FBXO31: variants seen among roughly 807,000 people sequenced by gnomAD.
The protein encoded by FBXO31 is F-box only protein 31.
In FBXO31, 24 loss-of-function variants were observed where a neutral mutation model predicts 54.4. The observed-to-expected ratio is 0.44, with a 90% confidence interval of 0.32 to 0.62. The LOEUF (loss-of-function observed/expected upper bound fraction) is 0.62. Among genes scored for constraint, FBXO31 ranks in the 20% least tolerant of loss-of-function variants. The pLI is 0.05. For missense variants in FBXO31, 665 were observed against 787.1 expected, an observed-to-expected ratio of 0.84 and a Z score of 1.86; for synonymous variants, 388 against 335.6, an observed-to-expected ratio of 1.16 and a Z score of -1.71.
chr16:87,359,214 G>T (rs1906027460), intron 2 of FBXO31, among the ~76,000 whole-genome samples: 2 of 152,220 alleles, frequency 1.3e-5, no homozygotes, highest in African/African-American at 4.8e-5. Flanking sequence ...AAGGGGTCAA[G>T]AATCAGCAGT....
intron 1 of FBXO31, among the ~76,000 whole-genome samples, chr16:87,370,962 C>T (rs1259214916): frequency 6.6e-6 from 1 of 152,144 alleles, no homozygotes; most frequent in Non-Finnish European, 1.5e-5. Flanking sequence ...GGGGGACATG[C>T]CCCCGGGCTC....
At chr16:87,337,302 A>C (rs961864439) in intron 5 of FBXO31, among the ~76,000 whole-genome samples, 1 of 152,262 alleles carries the variant, frequency 6.6e-6, no homozygotes, top group African/African-American at 2.4e-5. Flanking sequence ...GCCTGGGTAC[A>C]CAGAGATGCC....
chr16:87,391,570 A>G (rs1907552066), upstream of FBXO31: 1 of 152,280 alleles, frequency 6.6e-6, no homozygotes, highest in Admixed American at 6.5e-5. Context: ...GTCGCCACAG[A>G]CGACCTAACG....
chr16:87,332,448 C>T (rs1191120722), intron 8 of FBXO31, among the ~76,000 whole-genome samples: 1 of 152,216 alleles, frequency 6.6e-6, no homozygotes, highest in Non-Finnish European at 1.5e-5. Context: ...TCTGAGCCCA[C>T]TGTGAGGTAT....
chr16:87,334,228 A>G lies in FBXO31; in HGVS notation c.1055T>C (p.Ile352Thr). 6.2e-7 allele frequency: 1 copy of G among 1,611,036 alleles called. No homozygotes were observed. Among genetic ancestry groups the G allele is most frequent in the Non-Finnish European group, 8.5e-7 (1 of 1,178,810 alleles). The part of the protein sequence containing the change: ...QTVEIDLRHR[I>T]QLPDLENQRN... ...CTGGTTCTCGAGGTCGGGCAGCTGG[A>G]TCCGATGCCTCAGGTCGATCTCCAC... Residue 352 changes from isoleucine (I) to threonine (T), a missense_variant, in exon 8 of 9, where the codon ATC becomes ACC. Ile to Thr is a moderately conservative substitution (Grantham distance 89). Around this residue, in one of 4 missense-constraint regions of FBXO31, gnomAD observed 234 missense variants for 346.8 expected, o/e 0.67. Transcript: ENST00000311635.
rs189733960 is a variant in FBXO31 at position 87,335,653 on chromosome 16, C to A, written c.843-196G>T. On this transcript the variant is annotated intron_variant, in intron 6 of 8. Transcript: ENST00000311635. The surrounding 1 kb of genome is among the most constrained non-coding windows in gnomAD (Gnocchi z 5.7). ...CACCCCCACCACCCACCAGCACGCA[C>A]GCTTCCAACAGGACTTCTGGGGTTA... Among the ~76,000 whole-genome samples, 1 of 152,170 alleles carries A rather than the reference C, an allele frequency of 6.6e-6. No individual in the cohort carries two copies. Among genetic ancestry groups the A allele is most frequent in the African/African-American group, 2.4e-5 (1 of 41,436 alleles).
intron 5 of FBXO31, among the ~76,000 whole-genome samples, chr16:87,340,745 C>A (rs1382431734): frequency 6.6e-6 from 1 of 152,082 alleles, no homozygotes; most frequent in African/African-American, 2.4e-5. Flanking sequence ...ATCACTCGAG[C>A]CAGGAGTTTG....
chr16:87,330,740 G>C lies in FBXO31; in HGVS notation c.*548C>G, dbSNP rs1904820807. 1 of 153,052 alleles carries C rather than the reference G, an allele frequency of 6.5e-6. No individual in the cohort carries two copies. The highest frequency in any genetic ancestry group is 1.5e-5 in the Non-Finnish European group (1 of 68,604). The allele number at this position is 153,052 out of a possible 1,614,324, so 9.5% of individuals were successfully genotyped here. Reference sequence around the variant, plus strand: ...ACTCCAGAGTCCCGGCCCCAAGCCTGAGATCCTACCAACTTCCCGAGCTTG... The same window carrying C: ...ACTCCAGAGTCCCGGCCCCAAGCCTCAGATCCTACCAACTTCCCGAGCTTG... On this transcript the variant is annotated 3_prime_UTR_variant, in exon 9 of 9. Transcript: ENST00000311635.
At chr16:87,337,369 TG>T (rs754055808) in intron 5 of FBXO31, among the ~76,000 whole-genome samples, 2 of 152,202 alleles carry the variant, frequency 1.3e-5, no homozygotes, top group Non-Finnish European at 2.9e-5. Flanking sequence ...CTCTCCAGAT[TG>T]ATCTACAGAT....
Position 87,336,077 on chromosome 16 carries a change from G to C in FBXO31, c.842+78C>G. ...CACTGAGACAAAGGACTATGCCCCA[G>C]CACCCACCGGGACAGGGCTGGTCCC... is the stretch of plus-strand genomic sequence containing the variant. On this transcript the variant is annotated intron_variant, in intron 6 of 8. Transcript: ENST00000311635. This position sits in a 1 kb window ranked among gnomAD's most constrained non-coding sequence, Gnocchi z 6.5. 1 of 1,246,306 alleles carries C rather than the reference G, an allele frequency of 8.0e-7. No homozygotes were observed. The highest frequency in any genetic ancestry group is 1.2e-6 in the Non-Finnish European group (1 of 865,186). 77.2% of individuals were successfully genotyped at this position (1,246,306 alleles called of 1,614,324 possible). A position where few individuals can be genotyped will look rare whatever the true frequency, so the allele number is the denominator to read the frequency against.
Position 87,383,630 on chromosome 16 carries a change from G to T in FBXO31, c.115C>A (p.Pro39Thr). 7.0e-7 allele frequency: 1 copy of T among 1,429,600 alleles called. No individual in the cohort carries two copies. Among genetic ancestry groups the T allele is most frequent in the Non-Finnish European group, 9.1e-7 (1 of 1,096,594 alleles). The allele number at this position is 1,429,600 out of a possible 1,614,324, so 88.6% of individuals were successfully genotyped here. A position where few individuals can be genotyped will look rare whatever the true frequency, so the allele number is the denominator to read the frequency against. ...CTAGCCTCGATGCGCTCCTCCTCGGGGTCTGTGTCCGGCTCGCTGTCGGCC... is the reference window on the plus strand; with the variant it reads ...CTAGCCTCGATGCGCTCCTCCTCGGTGTCTGTGTCCGGCTCGCTGTCGGCC... ...AAADSEPDTD[P>T]EEERIEASAG... The change falls in exon 1 of 9, where the codon CCC becomes ACC. Residue 39 changes from proline to threonine, a missense_variant. Physicochemically the swap from Pro to Thr is conservative, Grantham distance 38. Coordinates refer to ENST00000311635, the MANE Select transcript of FBXO31 (RefSeq NM_024735.5). This position sits in a 1 kb window ranked among gnomAD's most constrained non-coding sequence, Gnocchi z 4.9.
At chr16:87,343,349 C>G (rs1905251347) in intron 4 of FBXO31, among the ~76,000 whole-genome samples, 1 of 152,262 alleles carries the variant, frequency 6.6e-6, no homozygotes. Context: ...GACAGAGGAA[C>G]TGAAGTTGCA....
chr16:87,350,843 G>A (rs145355079), intron 2 of FBXO31, among the ~76,000 whole-genome samples: 1 of 152,296 alleles, frequency 6.6e-6, no homozygotes. Context: ...ATCCCAAAGT[G>A]GGAGTTCCCT....
chr16:87,356,393 T>C (rs1905893470), intron 2 of FBXO31, among the ~76,000 whole-genome samples: 1 of 152,044 alleles, frequency 6.6e-6, no homozygotes, highest in Non-Finnish European at 1.5e-5. Flanking sequence ...ACGGCACAAA[T>C]GTCTTCAAAC....
At position 87,334,195 on chromosome 16, in the gene FBXO31, A is replaced by G; in HGVS notation, c.1088T>C (p.Phe363Ser). The change falls in exon 8 of 9, where the codon TTC becomes TCC. Residue 363 changes from phenylalanine to serine, a missense_variant. Phe to Ser is a radical substitution (Grantham distance 155). This residue lies in a region of FBXO31 where 165 missense variants were observed against 159.7 expected (regional missense o/e 1.03). Transcript: ENST00000311635. ...CAGGACGATGCGGGAGAGCTCATTG[A>G]AGTTGCGCTGGTTCTCGAGGTCGGG... ...QLPDLENQRN[F>S]NELSRIVLEV... is the part of the protein sequence containing the mutation. The G allele has an allele frequency of 6.2e-7, 1 of 1,612,662 alleles. No individual in the cohort carries two copies. Among genetic ancestry groups the G allele is most frequent in the Non-Finnish European group, 8.5e-7 (1 of 1,179,664 alleles).
In FBXO31 at chr16:87,345,280, G is replaced by A. The variant is rs943491851; in HGVS notation, c.490-1515C>T. ...CCCAGAGCTCAACAAAGTCAGGGCG[G>A]GGCTTTCCGGAAAGTTCAAGAGGCT... On this transcript the variant is annotated intron_variant, in intron 3 of 8. Transcript: ENST00000311635. The surrounding 1 kb of genome is among the most constrained non-coding windows in gnomAD (Gnocchi z 4.9). Among the ~76,000 whole-genome samples, 1 of 151,032 alleles carries A rather than the reference G, an allele frequency of 6.6e-6. No individual in the cohort carries two copies.
intron 5 of FBXO31, among the ~76,000 whole-genome samples, chr16:87,339,618 G>A (rs1168556007): frequency 2.0e-5 from 3 of 152,228 alleles, no homozygotes; most frequent in Admixed American, 6.5e-5. Flanking sequence ...CCCGGAGGGG[G>A]AGCTCAGAAG....
intron 2 of FBXO31, among the ~76,000 whole-genome samples, chr16:87,353,021 T>C (rs1002398520): frequency 6.6e-6 from 1 of 152,174 alleles, no homozygotes; most frequent in Non-Finnish European, 1.5e-5. Context: ...CTAAAGGTGT[T>C]GGCCTGTGTT....
chr16:87,385,625 A>T (rs993898322), upstream of FBXO31, among the ~76,000 whole-genome samples: 8 of 152,228 alleles, frequency 5.3e-5, no homozygotes, highest in Non-Finnish European at 1.2e-4. Flanking sequence ...TTGGATGATC[A>T]AAGGTTCTTT....
Sources: gnomAD v4.1 joint callset for allele counts (sites outside exome capture counted in the v4.1 genomes callset) on GRCh38, gnomAD v4.1.1 for gene constraint, gnomAD v4.1.1 regional missense constraint, Gnocchi (gnomAD v3.1) non-coding constraint, MANE v1.5 for transcripts, NCBI Gene and HGNC (gene_info 2026-07-23, HGNC 2026-07-21) for gene names.